Variants in DST observed in about 807,000 individuals in gnomAD.
The protein encoded by DST is dystonin.
DST carries 253 observed loss-of-function variants against 875.2 expected under a neutral mutation model. The ratio of observed to expected loss-of-function variants is 0.29; its 90% CI spans 0.26 to 0.32. DST has a LOEUF of 0.32. Among genes scored for constraint, DST ranks in the 10% least tolerant of loss-of-function variants. DST has a pLI of 1.00. For missense variants in DST, 8,287 were observed against 9,111.6 expected (o/e 0.91, Z 3.68); for synonymous variants, 3,124 against 3,197.1 (o/e 0.98, Z 0.77).
chr6:56,586,635 G>A (rs577600170), intron 49 of DST, among the ~76,000 whole-genome samples: 11 of 152,178 alleles, frequency 7.2e-5, no homozygotes, highest in South Asian at 4.2e-4. Context: ...CCTGACCCCC[G>A]AGCAGCCTAA....
At chr6:56,819,077 A>C (rs1021551735) in intron 4 of DST, among the ~76,000 whole-genome samples, 7 of 152,210 alleles carry the variant, frequency 4.6e-5, no homozygotes, top group Admixed American at 6.5e-5. Flanking sequence ...CTAGTAATGC[A>C]ACTAAAACAC....
chr6:56,688,940 A>G (rs1032464059), intron 9 of DST, among the ~76,000 whole-genome samples: 1 of 152,200 alleles, frequency 6.6e-6, no homozygotes, highest in African/African-American at 2.4e-5. Flanking sequence ...ATGCACATGA[A>G]TTCACAGAAA....
intron 4 of DST, among the ~76,000 whole-genome samples, chr6:56,824,880 G>T (rs925448675): frequency 2.6e-5 from 4 of 151,512 alleles, no homozygotes; most frequent in Admixed American, 2.0e-4. Flanking sequence ...GAGGTGGGGG[G>T]GTCAGCCCCC....
chr6:56,709,880 C>A (rs2099355968), intron 5 of DST, among the ~76,000 whole-genome samples: 1 of 151,940 alleles, frequency 6.6e-6, no homozygotes, highest in Non-Finnish European at 1.5e-5. Context: ...GGAGCAAGAA[C>A]AAAGGAAAAA....
In DST at chr6:56,561,484, G is replaced by T; in HGVS notation, c.14134C>A (p.Leu4712Ile). The change falls in exon 57 of 104, where the codon CTC becomes ATC. Residue 4712 changes from leucine (L) to isoleucine (I), a missense_variant. This residue lies in a region of DST where 1,513 missense variants were observed against 1,677.8 expected (regional missense o/e 0.90). Coordinates refer to ENST00000680361, the MANE Select transcript of DST (RefSeq NM_001374736.1). ...SHGYEDLGLL[L>I]KDKIAELNTK... ...TTCAGTTCCGCTATTTTGTCCTTGA[G>T]TAAGAGGCCAAGATCTTCATAACCA... 1 of 1,613,840 alleles carries T rather than the reference G, an allele frequency of 6.2e-7. No individual in the cohort carries two copies. Among genetic ancestry groups the T allele is most frequent in the South Asian group, 1.1e-5 (1 of 91,070 alleles).
Position 56,472,210 on chromosome 6 carries a change from G to A in DST, c.22007C>T (p.Pro7336Leu), listed in dbSNP as rs1368442163. 1.2e-6 allele frequency: 2 copies of A among 1,613,696 alleles called. No homozygotes were observed. The highest frequency in any genetic ancestry group is 8.5e-7 in the Non-Finnish European group (1 of 1,179,738). Residue 7336 changes from proline to leucine, a missense_variant, in exon 94 of 104, where the codon CCA (proline) becomes CTA (leucine). By Grantham distance (98) the Pro-to-Leu change is moderately conservative. Coordinates refer to ENST00000680361, the MANE Select transcript of DST (RefSeq NM_001374736.1). ...DKGRAGRKRFPASSLYPSGSQ... is the reference protein window; with the variant it reads ...DKGRAGRKRFLASSLYPSGSQ... ...CCCAGAGGGATACAAGCTTGATGCT[G>A]GAAAGCGTTTTCCTGTGAAGGTATA...
Position 56,634,143 on chromosome 6 carries a change from T to G in DST, c.3610A>C (p.Asn1204His), listed in dbSNP as rs573654021. 1 of 1,613,264 alleles carries G rather than the reference T, an allele frequency of 6.2e-7. No homozygotes were observed. The highest frequency in any genetic ancestry group is 1.1e-5 in the South Asian group (1 of 91,078). Residue 1204 changes from asparagine to histidine, a missense_variant, in exon 27 of 104, where the codon AAT (asparagine) becomes CAT (histidine). Transcript: ENST00000680361. Reference protein sequence around the residue: ...INEIDRIRASNVASIKTMLPG... With the variant: ...INEIDRIRASHVASIKTMLPG... ...AGATTCATACTTACTGAAGCCACATTGCTAGCTCGAATTCTATCAATTTCA... is the reference window on the plus strand; with the variant it reads ...AGATTCATACTTACTGAAGCCACATGGCTAGCTCGAATTCTATCAATTTCA...
At chr6:56,603,539 T>C (rs1313310453) in intron 41 of DST, 25 bp downstream of exon 41, 4 of 1,597,586 alleles carry the variant, frequency 2.5e-6, no homozygotes, top group East Asian at 2.2e-5. Context: ...CTACCATCCA[T>C]AAAGAGGCAG....
At chr6:56,490,976 T>G (rs2095716128) in intron 85 of DST, among the ~76,000 whole-genome samples, 2 of 152,192 alleles carry the variant, frequency 1.3e-5, no homozygotes, top group African/African-American at 4.8e-5. Context: ...AACTGGCTAC[T>G]GATATCCAAG....
intron 35 of DST, 93 bp from the exon 36 acceptor site, chr6:56,624,721 T>C (rs967976154): frequency 3.3e-5 from 27 of 811,552 alleles, no homozygotes; most frequent in Non-Finnish European, 4.8e-5. Flanking sequence ...TAACTAGGCC[T>C]TCAGACAGCA....
rs573740182 is a variant in DST at position 56,802,348 on chromosome 6, G to GT, written c.625+49048dup. Among the ~76,000 whole-genome samples the GT allele has an allele frequency of 3.9e-5, 6 of 152,204 alleles. No individual in the cohort carries two copies. In the South Asian group the frequency reaches 1.2e-3, roughly 32 times the overall value. On this transcript the variant is annotated intron_variant, in intron 4 of 103. Transcript: ENST00000680361. ...TTCTTAAAACTCTTAGGGAAAAAAT[G>GT]TAAGTCAACCTTTTAAATTTGGTAA...
intron 10 of DST, among the ~76,000 whole-genome samples, chr6:56,653,425 C>G (rs966052555): frequency 6.6e-6 from 1 of 152,130 alleles, no homozygotes; most frequent in African/African-American, 2.4e-5. Flanking sequence ...GTGGCTCATA[C>G]CTATAATCCC....
At chr6:56,692,491 C>T (rs1383028542) in intron 9 of DST, 1 of 1,289,462 alleles carries the variant, frequency 7.8e-7, no homozygotes, top group Non-Finnish European at 1.0e-6. Context: ...AGGGCAAAAT[C>T]TCTCAGTGTT....
intron 3 of DST, among the ~76,000 whole-genome samples, chr6:56,872,826 C>A (rs7449832): frequency 3.9e-5 from 4 of 102,798 alleles, no homozygotes; most frequent in Admixed American, 9.0e-5. Context: ...ACTGATTCCC[C>A]CCCCCCTTTT....
At chr6:56,846,485 T>C (rs2099807304) in intron 4 of DST, among the ~76,000 whole-genome samples, 1 of 152,210 alleles carries the variant, frequency 6.6e-6, no homozygotes, top group South Asian at 2.1e-4. Context: ...TTACAGGTAG[T>C]TTATGACTGA....
intron 49 of DST, among the ~76,000 whole-genome samples, chr6:56,583,559 T>C (rs1210694061): frequency 1.3e-5 from 2 of 152,212 alleles, no homozygotes; most frequent in Non-Finnish European, 2.9e-5. Context: ...CTGTTCACTC[T>C]GATGGTAGTT....
At chr6:56,763,665 T>TA (rs1295084336) in intron 4 of DST, among the ~76,000 whole-genome samples, 1,542 of 103,590 alleles carry the variant, frequency 0.015, 20 homozygotes, top group African/African-American at 0.036. Context: ...AGACTCCTCT[T>TA]AAAAAAAAAA....
chr6:56,561,666 C>G, intron 56 of DST, 117 bp from the exon 57 acceptor site: 1 of 956,944 alleles, frequency 1.0e-6, no homozygotes, highest in Non-Finnish European at 1.5e-6. Flanking sequence ...CATTATTAAG[C>G]CTAGTAGATA....
chr6:56,555,831 G>C lies in DST; in HGVS notation c.14650C>G (p.Gln4884Glu), dbSNP rs993339227. The change falls in exon 60 of 104, where the codon CAA becomes GAA. Residue 4884 changes from glutamine to glutamate, a missense_variant. By Grantham distance (29) the Gln-to-Glu change is conservative. Coordinates refer to ENST00000680361, the MANE Select transcript of DST (RefSeq NM_001374736.1). ...TQRQQVQILL[Q>E]EFATRKPQYE... Reference sequence around the variant, plus strand: ...TGAGGTTTCCGAGTGGCGAATTCTTGCAGCAAAATCTAAGGTAACAAGGGT... The same window carrying C: ...TGAGGTTTCCGAGTGGCGAATTCTTCCAGCAAAATCTAAGGTAACAAGGGT... 5 of 1,491,640 alleles carry C rather than the reference G, an allele frequency of 3.4e-6. No individual in the cohort carries two copies. In the African/African-American group the frequency reaches 7.0e-5, roughly 21 times the overall value. 92.4% of individuals were successfully genotyped at this position (1,491,640 alleles called of 1,614,324 possible).
Sources: allele counts gnomAD v4.1 joint callset (sites outside exome capture counted in the v4.1 genomes callset), GRCh38; gene constraint gnomAD v4.1.1; regional missense constraint gnomAD v4.1.1; transcripts MANE v1.5; gene names NCBI Gene and HGNC (gene_info 2026-07-23, HGNC 2026-07-21).